The following PROC variants were observed in gnomAD, a reference collection of about 807,000 sequenced individuals.
PROC encodes the protein vitamin K-dependent protein C.
A neutral mutation model predicts 36.3 loss-of-function variants in PROC; 22 were observed. That is an observed-to-expected ratio of 0.61 (90% CI 0.43 to 0.86). PROC has a LOEUF of 0.86. Ranked by LOEUF, PROC falls within the 40% of genes least tolerant of loss-of-function variation. The pLI is 0.00. For missense variants in PROC, 526 were observed against 629.7 expected (o/e 0.84, Z 1.76); for synonymous variants, 218 against 244.5 (o/e 0.89, Z 1.01).
At position 127,426,444 on chromosome 2, in the gene PROC, G is replaced by A. The variant is rs1688505847; in HGVS notation, c.678+217G>A. On this transcript the variant is annotated intron_variant, in intron 7 of 8. Transcript: ENST00000234071. The surrounding 1 kb of genome is among the most constrained non-coding windows in gnomAD (Gnocchi z 7.0). ...AGGGGAGGGGCATGGGGGCATGGAGGGGTCTGCAGGAGGGAGGGTTACAGT... is the reference window on the plus strand; with the variant it reads ...AGGGGAGGGGCATGGGGGCATGGAGAGGTCTGCAGGAGGGAGGGTTACAGT... 2 of 621,022 alleles carry A rather than the reference G, an allele frequency of 3.2e-6. No homozygotes were observed. Among genetic ancestry groups the A allele is most frequent in the East Asian group, 2.8e-5 (1 of 35,864 alleles). The allele number at this position is 621,022 out of a possible 1,614,324, so 38.5% of individuals were successfully genotyped here. A position where few individuals can be genotyped will look rare whatever the true frequency, so the allele number is the denominator to read the frequency against.
At position 127,426,347 on chromosome 2, in the gene PROC, A is replaced by T; in HGVS notation, c.678+120A>T. On this transcript the variant is annotated intron_variant, in intron 7 of 8. Coordinates refer to ENST00000234071, the MANE Select transcript of PROC (RefSeq NM_000312.4). This position sits in a 1 kb window ranked among gnomAD's most constrained non-coding sequence, Gnocchi z 7.0. The stretch of plus-strand genomic sequence containing the variant: ...GAAGCGCTGCCATTGCGTTTGGGGG[A>T]TGATGAAGGTGGGGGATGCTTCAGG... 3.7e-6 allele frequency: 5 copies of T among 1,340,204 alleles called. No individual in the cohort carries two copies. The highest frequency in any genetic ancestry group is 1.9e-5 in the Admixed American group (1 of 52,488). 83.0% of individuals were successfully genotyped at this position (1,340,204 alleles called of 1,614,324 possible). A position where few individuals can be genotyped will look rare whatever the true frequency, so the allele number is the denominator to read the frequency against.
At position 127,421,337 on chromosome 2, in the gene PROC, G is replaced by T. The variant is rs369504169; in HGVS notation, c.125G>T (p.Arg42Leu). ...CACCAGGTGCTGCGGATCCGCAAACGTGCCAACTCCTTCCTGGAGGAGCTC... is the reference window on the plus strand; with the variant it reads ...CACCAGGTGCTGCGGATCCGCAAACTTGCCAACTCCTTCCTGGAGGAGCTC... ...RAHQVLRIRK[R>L]ANSFLEELRH... Residue 42 changes from arginine (R) to leucine (L), a missense_variant, in exon 3 of 9, where the codon CGT (arginine) becomes CTT (leucine). Physicochemically the swap from Arg to Leu is moderately radical, Grantham distance 102 (BLOSUM62 -2). Coordinates refer to ENST00000234071, the MANE Select transcript of PROC (RefSeq NM_000312.4). 1.2e-6 allele frequency: 2 copies of T among 1,613,882 alleles called. No homozygotes were observed. The highest frequency in any genetic ancestry group is 1.7e-6 in the Non-Finnish European group (2 of 1,179,914).
rs1370099703 is a variant in PROC at position 127,421,400 on chromosome 2, T to C, written c.188T>C (p.Ile63Thr). 1.2e-6 allele frequency: 2 copies of C among 1,613,874 alleles called. No individual in the cohort carries two copies. The highest frequency in any genetic ancestry group is 1.6e-4 in the Middle Eastern group (1 of 6,062). ...SSLERECIEE[I>T]CDFEEAKEIF... The stretch of plus-strand genomic sequence containing the variant: ...CTGGAGCGGGAGTGCATAGAGGAGA[T>C]CTGTGACTTCGAGGAGGCCAAGGAA... Residue 63 changes from isoleucine to threonine, a missense_variant, in exon 3 of 9, where the codon ATC (isoleucine) becomes ACC (threonine). Physicochemically the swap from Ile to Thr is moderately conservative, Grantham distance 89. Coordinates refer to ENST00000234071, the MANE Select transcript of PROC (RefSeq NM_000312.4).
intron 2 of PROC, among the ~76,000 whole-genome samples, chr2:127,420,274 TCA>T (rs1688013883): frequency 6.6e-6 from 1 of 152,138 alleles, no homozygotes; most frequent in Non-Finnish European, 1.5e-5. Context: ...ACGGGGATGG[TCA>T]CAGAGTCCCC....
chr2:127,421,224 G>A (rs1292897066), intron 2 of PROC, 59 bp from the exon 3 acceptor site: 10 of 1,577,050 alleles, frequency 6.3e-6, no homozygotes, highest in African/African-American at 1.4e-5. Flanking sequence ...ACCCCCTCAT[G>A]GCCCCAGCCC....
chr2:127,427,050 G>C, intron 7 of PROC, 55 bp from the exon 8 acceptor site: 2 of 1,477,470 alleles, frequency 1.4e-6, no homozygotes, highest in Non-Finnish European at 1.9e-6. Context: ...AGGTGCCCTG[G>C]ACTGGAGGCT....
Position 127,428,893 on chromosome 2 carries a change from A to C in PROC, c.1333A>C (p.Ile445Leu), listed in dbSNP as rs200012319. The C allele has an allele frequency of 7.9e-5, 127 of 1,613,786 alleles. No individual in the cohort carries two copies. The highest frequency in any genetic ancestry group is 6.8e-4 in the South Asian group (62 of 91,084). The change falls in exon 9 of 9, where the codon ATC becomes CTC. Residue 445 changes from isoleucine (I) to leucine (L), a missense_variant. By Grantham distance (5) the Ile-to-Leu change is conservative. Coordinates refer to ENST00000234071, the MANE Select transcript of PROC (RefSeq NM_000312.4). ...YTKVSRYLDWIHGHIRDKEAP... is the reference protein window; with the variant it reads ...YTKVSRYLDWLHGHIRDKEAP... ...CAAAGTCAGCCGCTACCTCGACTGG[A>C]TCCATGGGCACATCAGAGACAAGGA...
chr2:127,423,197 G>C (rs1371212303), intron 5 of PROC, 26 bp downstream of exon 5: 2 of 1,519,266 alleles, frequency 1.3e-6, no homozygotes, highest in Non-Finnish European at 1.8e-6. Flanking sequence ...GGATGCTGGC[G>C]GGCGGCGGGG....
rs1688516027 is a variant in PROC, at chr2:127,426,596, A to C, written c.678+369A>C. On this transcript the variant is annotated intron_variant, in intron 7 of 8. Coordinates refer to ENST00000234071, the MANE Select transcript of PROC (RefSeq NM_000312.4). The surrounding 1 kb of genome is among the most constrained non-coding windows in gnomAD (Gnocchi z 7.0). ...CTCCAGCCTCCACATGGGAACTGAC[A>C]CTTACTGGGTTCCCCTCTCTGCCAG... The C allele has an allele frequency of 5.5e-6, 2 of 366,432 alleles. No individual in the cohort carries two copies. The highest frequency in any genetic ancestry group is 1.0e-5 in the Non-Finnish European group (2 of 192,222). The allele number at this position is 366,432 out of a possible 1,614,324, so 22.7% of individuals were successfully genotyped here.
At position 127,428,482 on chromosome 2, in the gene PROC, C is replaced by A; in HGVS notation, c.922C>A (p.Pro308Thr). 1 of 1,614,176 alleles carries A rather than the reference C, an allele frequency of 6.2e-7. No individual in the cohort carries two copies. Among genetic ancestry groups the A allele is most frequent in the Non-Finnish European group, 8.5e-7 (1 of 1,180,044 alleles). Reference sequence around the variant, plus strand: ...CATCGCACTGCTGCACCTGGCCCAGCCCGCCACCCTCTCGCAGACCATAGT... The same window carrying A: ...CATCGCACTGCTGCACCTGGCCCAGACCGCCACCCTCTCGCAGACCATAGT... ...NDIALLHLAQ[P>T]ATLSQTIVPI... Residue 308 changes from proline (P) to threonine (T), a missense_variant, in exon 9 of 9, where the codon CCC (proline) becomes ACC (threonine). Transcript: ENST00000234071.
At chr2:127,422,090 C>T (rs1032899972) in intron 3 of PROC, among the ~76,000 whole-genome samples, 24 of 152,190 alleles carry the variant, frequency 1.6e-4, no homozygotes, top group African/African-American at 4.8e-4. Context: ...AAATTGTGCA[C>T]GGCCTGGGCC....
At chr2:127,424,496 G>A (rs565923992) in intron 6 of PROC, among the ~76,000 whole-genome samples, 9 of 152,198 alleles carry the variant, frequency 5.9e-5, no homozygotes, top group Non-Finnish European at 1.3e-4. Flanking sequence ...ACCGCGCCCA[G>A]CCTCTTTCAG....
At chr2:127,428,212 A>G in intron 8 of PROC, 145 bp from the exon 9 acceptor site, 1 of 786,824 alleles carries the variant, frequency 1.3e-6, no homozygotes, top group Non-Finnish European at 2.1e-6. Flanking sequence ...AGTGCCTGGG[A>G]CGTGTGGGTG....
In PROC at chr2:127,428,607, G is replaced by A. The variant is rs749815057; in HGVS notation, c.1047G>A (p.Glu349=). ...VTGWGYHSSR[E]KEAKRNRTFV... The stretch of plus-strand genomic sequence containing the variant: ...GCTGGGGCTACCACAGCAGCCGAGA[G>A]AAGGAGGCCAAGAGAAACCGCACCT... Residue 349 remains glutamate, a synonymous_variant, in exon 9 of 9, where the codon GAG becomes GAA. Coordinates refer to ENST00000234071, the MANE Select transcript of PROC (RefSeq NM_000312.4). 6.2e-7 allele frequency: 1 copy of A among 1,614,068 alleles called. No individual in the cohort carries two copies. The highest frequency in any genetic ancestry group is 8.5e-7 in the Non-Finnish European group (1 of 1,180,046).
chr2:127,423,336 G>A lies in PROC; in HGVS notation c.463G>A (p.Val155Met). 3.9e-6 allele frequency: 6 copies of A among 1,550,462 alleles called. No individual in the cohort carries two copies. The South Asian group carries it at 5.9e-5, about 15-fold the overall frequency. The part of the protein sequence containing the change: ...GGCTHYCLEE[V>M]GWRRCSCAPG... Reference sequence around the variant, plus strand: ...CTGCACGCATTACTGCCTAGAGGAGGTGGGCTGGCGGCGCTGTAGCTGTGC... The same window carrying A: ...CTGCACGCATTACTGCCTAGAGGAGATGGGCTGGCGGCGCTGTAGCTGTGC... The change falls in exon 6 of 9, where the codon GTG becomes ATG. Residue 155 changes from valine to methionine, a missense_variant. By Grantham distance (21) the Val-to-Met change is conservative. Transcript: ENST00000234071.
intron 8 of PROC, 49 bp downstream of exon 8, chr2:127,427,271 G>A: frequency 6.5e-7 from 1 of 1,533,294 alleles, no homozygotes; most frequent in Non-Finnish European, 9.0e-7. Flanking sequence ...CCTGGGTAGG[G>A]GGACCAGGCA....
chr2:127,425,209 C>T (rs1688411079), intron 6 of PROC, among the ~76,000 whole-genome samples: 3 of 152,348 alleles, frequency 2.0e-5, no homozygotes, highest in Non-Finnish European at 4.4e-5. Context: ...CTTCTGGGCG[C>T]CCCCATCACG....
chr2:127,423,491 C>T, intron 6 of PROC, 83 bp downstream of exon 6: 3 of 1,498,604 alleles, frequency 2.0e-6, no homozygotes, highest in Non-Finnish European at 2.7e-6. Context: ...GCGCGGGGGG[C>T]TCAGGAGGGT....
At chr2:127,423,193 T>C in intron 5 of PROC, 22 bp downstream of exon 5, 3 of 985,966 alleles carry the variant, frequency 3.0e-6, no homozygotes, top group South Asian at 1.4e-5. Flanking sequence ...AGGTGGATGC[T>C]GGCGGGCGGC....
Sources: gnomAD v4.1 joint callset for allele counts (sites outside exome capture counted in the v4.1 genomes callset) on GRCh38, gnomAD v4.1.1 for gene constraint, Gnocchi (gnomAD v3.1) non-coding constraint, MANE v1.5 for transcripts, NCBI Gene and HGNC (gene_info 2026-07-23, HGNC 2026-07-21) for gene names.